CHRNB3: variants seen among roughly 807,000 people sequenced by gnomAD.
The protein encoded by CHRNB3 is neuronal acetylcholine receptor subunit beta-3.
Under a neutral mutation model 40.6 loss-of-function variants are expected in CHRNB3, and 37 were observed. The ratio of observed to expected loss-of-function variants is 0.91; its 90% confidence interval spans 0.70 to 1.20. The LOEUF is 1.20. Among genes scored for constraint, CHRNB3 ranks in the 50% most tolerant of loss-of-function variants. CHRNB3 has a pLI of 0.00. For synonymous variants in CHRNB3, 207 were observed against 207.1 expected, an observed-to-expected ratio of 1.00 and a Z score of 0.00; for missense variants, 505 against 551.2, an observed-to-expected ratio of 0.92 and a Z score of 0.84.
rs141333546 is a variant in CHRNB3 at position 42,714,440 on chromosome 8, G to C, written c.249+4006G>C. Among the ~76,000 whole-genome samples the C allele has an allele frequency of 2.8e-3, 429 of 152,096 alleles. 2 individuals carry two copies. Among genetic ancestry groups the C allele is most frequent in the African/African-American group, 0.01 (418 of 41,448 alleles). On this transcript the variant is annotated intron_variant, in intron 3 of 5. Transcript: ENST00000289957. Reference sequence around the variant, plus strand: ...TCGGTTGTACCTGGGAGCCGAGATCGTGTTACTGCACTCCAGCCTGGACGA... The same window carrying C: ...TCGGTTGTACCTGGGAGCCGAGATCCTGTTACTGCACTCCAGCCTGGACGA...
chr8:42,709,004 A>G, intron 2 of CHRNB3, 136 bp downstream of exon 2: 1 of 943,848 alleles, frequency 1.1e-6, no homozygotes. Context: ...TCTGCCCCCA[A>G]GAAGCCACTA....
intron 1 of CHRNB3, among the ~76,000 whole-genome samples, chr8:42,701,695 T>G (rs1285824547): frequency 6.6e-6 from 1 of 152,186 alleles, no homozygotes; most frequent in East Asian, 1.9e-4. Context: ...CTCACAGAGG[T>G]GTCTCTCCAA....
chr8:42,727,601 T>C (rs1239888372), intron 3 of CHRNB3, among the ~76,000 whole-genome samples: 2 of 151,978 alleles, frequency 1.3e-5, no homozygotes, highest in African/African-American at 4.8e-5. Flanking sequence ...TTATAAAAGA[T>C]TAATGGAAAA....
At chr8:42,701,030 C>T (rs530161426) in intron 1 of CHRNB3, among the ~76,000 whole-genome samples, 1 of 151,564 alleles carries the variant, frequency 6.6e-6, no homozygotes, top group Admixed American at 6.6e-5. Flanking sequence ...GAGGTGGAGA[C>T]CATCCTGGCC....
At chr8:42,726,096 T>G in intron 3 of CHRNB3, 2 of 1,107,792 alleles carry the variant, frequency 1.8e-6, no homozygotes, top group Non-Finnish European at 1.4e-6. Context: ...CTGAGCCCTT[T>G]TCTTTTTCTC....
chr8:42,729,224 G>A (rs960859093), intron 3 of CHRNB3, among the ~76,000 whole-genome samples: 8 of 151,984 alleles, frequency 5.3e-5, no homozygotes, highest in Middle Eastern at 3.4e-3. Flanking sequence ...TGGCTAACAC[G>A]GTGAAACCCC....
At chr8:42,734,661 C>T (rs917907292) in intron 5 of CHRNB3, among the ~76,000 whole-genome samples, 2 of 151,648 alleles carry the variant, frequency 1.3e-5, no homozygotes, top group Non-Finnish European at 1.5e-5. Flanking sequence ...CCTCGTGATC[C>T]GCCCACCTCG....
At chr8:42,723,192 A>G (rs1403336859) in intron 3 of CHRNB3, among the ~76,000 whole-genome samples, 1 of 152,118 alleles carries the variant, frequency 6.6e-6, no homozygotes, top group East Asian at 1.9e-4. Context: ...AAATATAGCA[A>G]TAAGATATCG....
At chr8:42,705,930 G>A (rs908081659) in intron 1 of CHRNB3, 3 of 152,254 alleles carry the variant, frequency 2.0e-5, no homozygotes, top group African/African-American at 7.2e-5. Flanking sequence ...GACAGTCACT[G>A]TTCTAGGAGC....
rs1816444151 is a variant in CHRNB3 at position 42,732,372 on chromosome 8, C to A, written c.1065C>A (p.Arg355=). ...TTTGCATGAAAGATCATGTGGATCG[C>A]TACTCATCCCCAGAGAAAGAGGAGA... The part of the protein sequence containing the change: ...KLLCMKDHVD[R]YSSPEKEESQ... The change falls in exon 5 of 6, where the codon CGC becomes CGA. Residue 355 remains arginine (R), a synonymous_variant. Coordinates refer to ENST00000289957, the MANE Select transcript of CHRNB3 (RefSeq NM_000749.5). 4 of 1,612,626 alleles carry A rather than the reference C, an allele frequency of 2.5e-6. No individual in the cohort carries two copies. The highest frequency in any genetic ancestry group is 3.4e-6 in the Non-Finnish European group (4 of 1,179,762).
chr8:42,729,553 G>C (rs1299823626), intron 3 of CHRNB3, among the ~76,000 whole-genome samples: 1 of 152,024 alleles, frequency 6.6e-6, no homozygotes, highest in African/African-American at 2.4e-5. Flanking sequence ...TTTCCTCTGG[G>C]GTGTGGAGTT....
intron 3 of CHRNB3, among the ~76,000 whole-genome samples, chr8:42,723,835 C>G (rs1371055619): frequency 6.6e-6 from 1 of 152,136 alleles, no homozygotes; most frequent in Non-Finnish European, 1.5e-5. Flanking sequence ...CCTGTAATCC[C>G]AACACTTTGG....
intron 3 of CHRNB3, among the ~76,000 whole-genome samples, chr8:42,728,838 A>T (rs1816351963): frequency 6.6e-6 from 1 of 152,138 alleles, no homozygotes; most frequent in African/African-American, 2.4e-5. Flanking sequence ...ATTGTAAGTA[A>T]ATTTTTACGA....
At chr8:42,701,588 A>G (rs1292817140) in intron 1 of CHRNB3, among the ~76,000 whole-genome samples, 1 of 152,180 alleles carries the variant, frequency 6.6e-6, no homozygotes, top group Non-Finnish European at 1.5e-5. Flanking sequence ...CAGGTCTTCA[A>G]TTCCAAAGGA....
Position 42,731,835 on chromosome 8 carries a change from T to A in CHRNB3, c.528T>A (p.Tyr176Ter). The change falls in exon 5 of 6, where the codon TAT becomes TAA. Residue 176 changes from tyrosine (Y) to a stop codon, truncating the protein, a stop_gained. Coordinates refer to ENST00000289957, the MANE Select transcript of CHRNB3 (RefSeq NM_000749.5). LOFTEE classifies it high-confidence loss of function. ...CCATGAAGTTTGGATCCTGGACTTA[T>A]GATGGCACCATGGTTGACCTCATTT... ...NCSMKFGSWT[Y>*]DGTMVDLILI... 1 of 1,614,106 alleles carries A rather than the reference T, an allele frequency of 6.2e-7. No individual in the cohort carries two copies.
chr8:42,730,581 T>C lies in CHRNB3; in HGVS notation c.250-13T>C. 2.0e-6 allele frequency: 3 copies of C among 1,503,056 alleles called. No homozygotes were observed. The highest frequency in any genetic ancestry group is 2.7e-6 in the Non-Finnish European group (3 of 1,096,122). The allele number at this position is 1,503,056 out of a possible 1,614,324, so 93.1% of individuals were successfully genotyped here. ...CTTTCGGAATAAAATCACAGTGTACTAATTTCATGCAGGAATGGACAGACC... is the reference window on the plus strand; with the variant it reads ...CTTTCGGAATAAAATCACAGTGTACCAATTTCATGCAGGAATGGACAGACC... On this transcript the variant is annotated splice_polypyrimidine_tract_variant and intron_variant, in intron 3 of 5. Transcript: ENST00000289957.
chr8:42,708,945 C>T, intron 2 of CHRNB3, 77 bp downstream of exon 2: 1 of 1,346,274 alleles, frequency 7.4e-7, no homozygotes, highest in Non-Finnish European at 9.9e-7. Context: ...ATATATTTTT[C>T]CCTATGTCTG....
chr8:42,734,662 G>A (rs533452366), intron 5 of CHRNB3, among the ~76,000 whole-genome samples: 29 of 151,386 alleles, frequency 1.9e-4, no homozygotes, highest in South Asian at 4.2e-4. Context: ...CTCGTGATCC[G>A]CCCACCTCGG....
At chr8:42,708,891 C>T in intron 2 of CHRNB3, 23 bp downstream of exon 2, 1 of 1,599,906 alleles carries the variant, frequency 6.3e-7, no homozygotes, top group Non-Finnish European at 8.5e-7. Flanking sequence ...TGGCACTTGG[C>T]TAAAAAGAAC....
Sources: gnomAD v4.1 joint callset for allele counts (sites outside exome capture counted in the v4.1 genomes callset) on GRCh38, gnomAD v4.1.1 for gene constraint, MANE v1.5 for transcripts, NCBI Gene and HGNC (gene_info 2026-07-23, HGNC 2026-07-21) for gene names.